Variants in XXYLT1 observed in about 807,000 individuals in gnomAD.
XXYLT1 encodes the protein UDP-xylose:alpha-xyloside alpha-1,3-xylosyltransferase.
Under a neutral mutation model 28.9 loss-of-function variants are expected in XXYLT1, and 20 were observed. That is an observed-to-expected ratio of 0.69 (90% CI 0.49 to 1.00). XXYLT1 has a LOEUF of 1.00. Among genes scored for constraint, XXYLT1 ranks in the 50% least tolerant of loss-of-function variants. The pLI, the probability that XXYLT1 is intolerant of heterozygous loss-of-function variation, is 0.00. For missense variants in XXYLT1, 542 were observed against 560.1 expected (o/e 0.97, Z 0.33); for synonymous variants, 257 against 253.8 (o/e 1.01, Z -0.12).
intron 3 of XXYLT1, among the ~76,000 whole-genome samples, chr3:195,131,776 C>T (rs1345342182): frequency 6.6e-6 from 1 of 152,212 alleles, no homozygotes; most frequent in Non-Finnish European, 1.5e-5. Context: ...TCATAGTCAT[C>T]ACAAAATATA....
chr3:195,249,113 C>CATCG (rs1351438363), intron 1 of XXYLT1, among the ~76,000 whole-genome samples: 1 of 152,132 alleles, frequency 6.6e-6, no homozygotes, highest in Non-Finnish European at 1.5e-5. Flanking sequence ...TATTCACATC[C>CATCG]ATCGCCTCCT....
At chr3:195,270,044 G>C in intron 1 of XXYLT1, 2 of 209,608 alleles carry the variant, frequency 9.5e-6, no homozygotes. Context: ...ACAGAGAGGA[G>C]ATAAGATGGT....
In XXYLT1 at chr3:195,256,434, A is replaced by G. The variant is rs994909367; in HGVS notation, c.504+14121T>C. The G allele has an allele frequency of 1.1e-4, 101 of 949,532 alleles. No homozygotes were observed. Among genetic ancestry groups the G allele is most frequent in the Non-Finnish European group, 1.2e-4 (98 of 797,130 alleles). The allele number at this position is 949,532 out of a possible 1,614,324, so 58.8% of individuals were successfully genotyped here. A position where few individuals can be genotyped will look rare whatever the true frequency, so the allele number is the denominator to read the frequency against. ...GCGCAGGCCTGAGGTGCGGCCCTGC[A>G]CAGGGCAGGGCCCGAGAAACGAACC... On this transcript the variant is annotated intron_variant, in intron 1 of 3. Transcript: ENST00000310380. The surrounding 1 kb of genome is among the most constrained non-coding windows in gnomAD (Gnocchi z 4.2).
chr3:195,110,623 TGTGTGTGGTGTGTGATGTATAA>T (rs1717605402), intron 3 of XXYLT1, among the ~76,000 whole-genome samples: 2 of 17,316 alleles, frequency 1.2e-4, no homozygotes, highest in East Asian at 8.2e-4. Context: ...GTGTGTGGTG[TGTGTGTGGTGTGTGATGTATAA>T]GTGTGTGTGG....
rs184797876 is a variant in XXYLT1, at chr3:195,228,547, A to T, written c.505-1691T>A. Among the ~76,000 whole-genome samples, 6 of 142,408 alleles carry T rather than the reference A, an allele frequency of 4.2e-5. No homozygotes were observed. In the East Asian group the frequency reaches 1.2e-3, roughly 29 times the overall value. 93.4% of individuals were successfully genotyped at this position (142,408 alleles called of 152,430 possible). A position where few individuals can be genotyped will look rare whatever the true frequency, so the allele number is the denominator to read the frequency against. ...ACTCTGTCAACCGAGGCTGGAGTAC[A>T]GGGGTGCAATCTGGGCTCACTGACA... On this transcript the variant is annotated intron_variant, in intron 1 of 3. Coordinates refer to ENST00000310380, the MANE Select transcript of XXYLT1 (RefSeq NM_152531.5).
At chr3:195,214,573 G>T (rs533780700) in intron 2 of XXYLT1, among the ~76,000 whole-genome samples, 32 of 152,162 alleles carry the variant, frequency 2.1e-4, no homozygotes, top group African/African-American at 7.7e-4. Context: ...ATCTACATAC[G>T]GCATCCACAA....
chr3:195,185,083 GAAGAAGGAAGGAAGGA>G (rs1722122388), intron 2 of XXYLT1, among the ~76,000 whole-genome samples: 1 of 95,012 alleles, frequency 1.1e-5, no homozygotes, highest in South Asian at 3.4e-4. Context: ...AGGAAAGAAG[GAAGAAGGAAGGAAGGA>G]AGGAAGGAAG....
intron 1 of XXYLT1, among the ~76,000 whole-genome samples, chr3:195,264,494 G>A (rs978303728): frequency 1.3e-5 from 2 of 152,138 alleles, no homozygotes; most frequent in African/African-American, 4.8e-5. Context: ...GTGCACCACG[G>A]CGAACAACTC....
At chr3:195,101,800 A>T (rs1278867885) in intron 3 of XXYLT1, among the ~76,000 whole-genome samples, 1 of 148,864 alleles carries the variant, frequency 6.7e-6, no homozygotes, top group African/African-American at 2.5e-5. Flanking sequence ...ATCTCTATTG[A>T]AAAAAAAAGG....
At chr3:195,270,147 C>T in intron 1 of XXYLT1, 1 of 429,938 alleles carries the variant, frequency 2.3e-6, no homozygotes, top group Non-Finnish European at 4.5e-6. Context: ...CTCACCAAGG[C>T]CCTCTCCAGT....
In XXYLT1 at chr3:195,078,071, C is replaced by T. The variant is rs1715223854; in HGVS notation, c.786-7960G>A. 6.6e-6 allele frequency among the ~76,000 whole-genome samples: 1 copy of T among 152,102 alleles called. No individual in the cohort carries two copies. The highest frequency in any genetic ancestry group is 2.1e-4 in the South Asian group (1 of 4,824). On this transcript the variant is annotated intron_variant, in intron 3 of 3. Coordinates refer to ENST00000310380, the MANE Select transcript of XXYLT1 (RefSeq NM_152531.5). This position sits in a 1 kb window ranked among gnomAD's most constrained non-coding sequence, Gnocchi z 5.0. The stretch of plus-strand genomic sequence containing the variant: ...AGTGGAGGGGCTTTAAGCCTGGATC[C>T]CTACTCAGACGGCGGAGCCAGAAAC...
chr3:195,072,835 G>T (rs1479558333), intron 3 of XXYLT1, among the ~76,000 whole-genome samples: 1 of 152,202 alleles, frequency 6.6e-6, no homozygotes, highest in Non-Finnish European at 1.5e-5. Flanking sequence ...GGGTTTCTCT[G>T]GCTTCTGTGT....
chr3:195,228,808 T>C (rs1400150544), intron 1 of XXYLT1, among the ~76,000 whole-genome samples: 1 of 150,224 alleles, frequency 6.7e-6, no homozygotes, highest in Non-Finnish European at 1.5e-5. Flanking sequence ...ATTTCTTCTA[T>C]ATGTATCTCT....
intron 3 of XXYLT1, among the ~76,000 whole-genome samples, chr3:195,102,627 CCTT>C (rs1430964619): frequency 6.6e-6 from 1 of 152,074 alleles, no homozygotes; most frequent in Non-Finnish European, 1.5e-5. Context: ...TGGTATGACT[CCTT>C]CTTTTTAAAG....
At position 195,240,368 on chromosome 3, in the gene XXYLT1, G is replaced by A. The variant is rs1005137733; in HGVS notation, c.505-13512C>T. Reference sequence around the variant, plus strand: ...GTCTTTGCCACCCAGCCCTGTGCTCGCTGGCACTGAGATGCCTGAGAGCCA... The same window carrying A: ...GTCTTTGCCACCCAGCCCTGTGCTCACTGGCACTGAGATGCCTGAGAGCCA... On this transcript the variant is annotated intron_variant, in intron 1 of 3. Coordinates refer to ENST00000310380, the MANE Select transcript of XXYLT1 (RefSeq NM_152531.5). This position sits in a 1 kb window ranked among gnomAD's most constrained non-coding sequence, Gnocchi z 4.7. 1.3e-5 allele frequency among the ~76,000 whole-genome samples: 2 copies of A among 152,236 alleles called. No individual in the cohort carries two copies. The highest frequency in any genetic ancestry group is 2.4e-5 in the African/African-American group (1 of 41,454).
chr3:195,179,702 C>T (rs901301612), intron 2 of XXYLT1, among the ~76,000 whole-genome samples: 1 of 152,124 alleles, frequency 6.6e-6, no homozygotes, highest in African/African-American at 2.4e-5. Context: ...ACAGCCCACA[C>T]CGAGAGGTAA....
intron 2 of XXYLT1, among the ~76,000 whole-genome samples, chr3:195,179,165 C>A (rs1721820675): frequency 1.3e-5 from 2 of 151,946 alleles, no homozygotes; most frequent in Non-Finnish European, 2.9e-5. Flanking sequence ...TATGGTGAAA[C>A]CCCGTCTCTA....
intron 2 of XXYLT1, among the ~76,000 whole-genome samples, chr3:195,215,728 C>T (rs2108786465): frequency 6.6e-6 from 1 of 152,032 alleles, no homozygotes; most frequent in African/African-American, 2.4e-5. Flanking sequence ...TAATGGGAGA[C>T]TTTAACACCC....
In XXYLT1 at chr3:195,133,500, T is replaced by C. The variant is rs1719006278; in HGVS notation, c.785+22949A>G. Among the ~76,000 whole-genome samples, 1 of 152,176 alleles carries C rather than the reference T, an allele frequency of 6.6e-6. No homozygotes were observed. Among genetic ancestry groups the C allele is most frequent in the African/African-American group, 2.4e-5 (1 of 41,434 alleles). ...TGTGTCCCATAAGTGACAGCATCTATTGAACTCTAAAAATGAATGTGTCTG... is the reference window on the plus strand; with the variant it reads ...TGTGTCCCATAAGTGACAGCATCTACTGAACTCTAAAAATGAATGTGTCTG... On this transcript the variant is annotated intron_variant, in intron 3 of 3. Transcript: ENST00000310380. This position sits in a 1 kb window ranked among gnomAD's most constrained non-coding sequence, Gnocchi z 4.4.
Sources: allele counts gnomAD v4.1 joint callset (sites outside exome capture counted in the v4.1 genomes callset), GRCh38; gene constraint gnomAD v4.1.1; non-coding constraint Gnocchi (gnomAD v3.1); transcripts MANE v1.5; gene names NCBI Gene and HGNC (gene_info 2026-07-23, HGNC 2026-07-21).